ANKS6: variants seen among roughly 807,000 people sequenced by gnomAD.
ANKS6 encodes ankyrin repeat and SAM domain-containing protein 6.
Under a neutral mutation model 77.9 loss-of-function variants are expected in ANKS6, and 47 were observed. That is an observed-to-expected ratio of 0.60 (90% CI 0.48 to 0.77). The LOEUF (loss-of-function observed/expected upper bound fraction) is 0.77. ANKS6 is among the 30% of genes least tolerant of loss of function. ANKS6 has a pLI of 0.00. For missense variants in ANKS6, 1,150 were observed against 1,159.1 expected (o/e 0.99, Z 0.11); for synonymous variants, 488 against 501.7 (o/e 0.97, Z 0.37).
intron 8 of ANKS6, among the ~76,000 whole-genome samples, chr9:98,774,787 G>C (rs986187445): frequency 6.6e-6 from 1 of 152,244 alleles, no homozygotes. Context: ...AGATCTTCAA[G>C]GAAGTGTTCA....
chr9:98,732,266 G>A lies in ANKS6; in HGVS notation c.*4253C>T, dbSNP rs1369986155. ...CGTTATCCAAAGTTGTCCAGCCTCC[G>A]GCCTGGCCCATGTCTTCAGGCAGCT... On this transcript the variant is annotated 3_prime_UTR_variant, in exon 15 of 15. Transcript: ENST00000353234. 15 of 581,646 alleles carry A rather than the reference G, an allele frequency of 2.6e-5. No individual in the cohort carries two copies. The highest frequency in any genetic ancestry group is 1.2e-4 in the Admixed American group (4 of 32,302). 36.0% of individuals were successfully genotyped at this position (581,646 alleles called of 1,614,324 possible).
chr9:98,769,722 C>T (rs1159200114), intron 10 of ANKS6, among the ~76,000 whole-genome samples: 4 of 152,170 alleles, frequency 2.6e-5, no homozygotes, highest in African/African-American at 4.8e-5. Context: ...TATTTGACCC[C>T]GGACGAGTTA....
At position 98,761,883 on chromosome 9, in the gene ANKS6, A is replaced by C. The variant is rs369313792; in HGVS notation, c.2143-5280T>G. Among the ~76,000 whole-genome samples the C allele has an allele frequency of 1.1e-4, 16 of 152,270 alleles. No homozygotes were observed. In the East Asian group the frequency reaches 3.1e-3, roughly 29 times the overall value. On this transcript the variant is annotated intron_variant, in intron 11 of 14. Transcript: ENST00000353234. ...TTATTCTTTTTCATATGACTATTAT[A>C]ATTTTTTGTACCTCAATATAAAATT...
At chr9:98,784,298 G>A (rs1311198661) in intron 3 of ANKS6, 141 bp from the exon 4 acceptor site, 1 of 682,432 alleles carries the variant, frequency 1.5e-6, no homozygotes, top group South Asian at 2.5e-5. Context: ...GATACTAAGA[G>A]GGCGTCAGAG....
chr9:98,795,392 T>A (rs1835118641), intron 1 of ANKS6, among the ~76,000 whole-genome samples: 2 of 152,084 alleles, frequency 1.3e-5, no homozygotes, highest in African/African-American at 4.8e-5. Flanking sequence ...GCACCTTCCA[T>A]GACTCCCTAG....
At chr9:98,758,555 G>C (rs1271564154) in intron 11 of ANKS6, among the ~76,000 whole-genome samples, 1 of 152,144 alleles carries the variant, frequency 6.6e-6, no homozygotes, top group East Asian at 1.9e-4. Flanking sequence ...AAAGTGGACA[G>C]AGCAAAGACA....
chr9:98,749,981 C>T lies in ANKS6; in HGVS notation c.2394+1048G>A, dbSNP rs558020679. ...GGGCCTGTGGAGGAGTTTTACTTGG[C>T]TAAAGCAGTAAATTTTTTAACAGCT... On this transcript the variant is annotated intron_variant, in intron 13 of 14. Transcript: ENST00000353234. Among the ~76,000 whole-genome samples, 3 of 152,266 alleles carry T rather than the reference C, an allele frequency of 2.0e-5. No individual in the cohort carries two copies. In the East Asian group the frequency reaches 5.8e-4, roughly 29 times the overall value.
Position 98,774,008 on chromosome 9 carries a change from G to A in ANKS6, c.1690C>T (p.Pro564Ser), listed in dbSNP as rs190075616. Residue 564 changes from proline to serine, a missense_variant, in exon 9 of 15, where the codon CCT (proline) becomes TCT (serine). By Grantham distance (74) the Pro-to-Ser change is moderately conservative. Coordinates refer to ENST00000353234, the MANE Select transcript of ANKS6 (RefSeq NM_173551.5). ...LKAVIPPFLP[P>S]SSFELWSSDR... is the part of the protein sequence containing the mutation. ...GAGCTCCACAGCTCAAAACTGGAAG[G>A]GGGTAGGAATGGGGGGATGACTGCT... 2.5e-6 allele frequency: 4 copies of A among 1,583,180 alleles called. No individual in the cohort carries two copies. In the African/African-American group the frequency reaches 4.1e-5, roughly 16 times the overall value.
intron 11 of ANKS6, among the ~76,000 whole-genome samples, chr9:98,762,850 T>G (rs927921787): frequency 6.6e-6 from 1 of 151,962 alleles, no homozygotes; most frequent in African/African-American, 2.4e-5. Context: ...TCTTTTCATG[T>G]TAGTCATAAA....
At chr9:98,779,963 C>T (rs180940936) in intron 6 of ANKS6, among the ~76,000 whole-genome samples, 22 of 152,124 alleles carry the variant, frequency 1.4e-4, no homozygotes, top group Admixed American at 3.9e-4. Flanking sequence ...TGCCCGGCCG[C>T]GTGGACCCAC....
At chr9:98,742,663 G>C (rs2131927902) in intron 14 of ANKS6, among the ~76,000 whole-genome samples, 1 of 152,222 alleles carries the variant, frequency 6.6e-6, no homozygotes, top group South Asian at 2.1e-4. Flanking sequence ...GCTGCCTGTT[G>C]GGGGGACACA....
At chr9:98,781,797 C>T (rs765855242) in intron 5 of ANKS6, among the ~76,000 whole-genome samples, 1 of 152,216 alleles carries the variant, frequency 6.6e-6, no homozygotes, top group Non-Finnish European at 1.5e-5. Context: ...AGAATCCCAG[C>T]ACAGGGTTCA....
chr9:98,750,279 C>T (rs337563), intron 13 of ANKS6, among the ~76,000 whole-genome samples: 119,783 of 151,822 alleles, frequency 0.79, 47,722 homozygotes, highest in African/African-American at 0.9. Context: ...GCACACCCTA[C>T]GTGCCTTTTG....
intron 10 of ANKS6, among the ~76,000 whole-genome samples, chr9:98,769,151 G>GAAAGAAA (rs1564201319): frequency 6.6e-6 from 1 of 150,788 alleles, no homozygotes; most frequent in Admixed American, 6.6e-5. Context: ...AAGAAAGAAA[G>GAAAGAAA]AAAGAAAAGA....
chr9:98,773,825 G>C, intron 9 of ANKS6, 52 bp downstream of exon 9: 1 of 1,409,718 alleles, frequency 7.1e-7, no homozygotes, highest in South Asian at 1.6e-5. Flanking sequence ...AACACACCAT[G>C]ATCTCAGTGA....
At chr9:98,776,602 T>C (rs1252424671) in intron 8 of ANKS6, among the ~76,000 whole-genome samples, 3 of 152,116 alleles carry the variant, frequency 2.0e-5, no homozygotes, top group African/African-American at 7.2e-5. Context: ...GGTTTCACCA[T>C]GTTGGCCAGG....
chr9:98,776,858 C>T lies in ANKS6; in HGVS notation c.1617+547G>A, dbSNP rs563976758. The stretch of plus-strand genomic sequence containing the variant: ...AGAAACAGAAACTACACATGGGGGA[C>T]CAACAGGCAGAAAGGACTCAAGTCC... On this transcript the variant is annotated intron_variant, in intron 8 of 14. Transcript: ENST00000353234. 2.0e-5 allele frequency among the ~76,000 whole-genome samples: 3 copies of T among 152,276 alleles called. No individual in the cohort carries two copies. The South Asian group carries it at 6.2e-4, about 32-fold the overall frequency.
Position 98,734,380 on chromosome 9 carries a change from G to A in ANKS6, c.*2139C>T. ...TATCATTGTTCAATCAAACTTACCT[G>A]AGTGGAAGCTATACCAGTATATTGT... On this transcript the variant is annotated 3_prime_UTR_variant, in exon 15 of 15. Coordinates refer to ENST00000353234, the MANE Select transcript of ANKS6 (RefSeq NM_173551.5). 1 of 985,410 alleles carries A rather than the reference G, an allele frequency of 1.0e-6. No homozygotes were observed. Among genetic ancestry groups the A allele is most frequent in the Non-Finnish European group, 1.2e-6 (1 of 829,962 alleles). 61.0% of individuals were successfully genotyped at this position (985,410 alleles called of 1,614,324 possible).
chr9:98,735,816 T>C lies in ANKS6; in HGVS notation c.*703A>G, dbSNP rs2131914655. ...ATGCGTTTGACATACACATCTCCAATGTAAGCTGTATGCAGCAGGTGCAGT... is the reference window on the plus strand; with the variant it reads ...ATGCGTTTGACATACACATCTCCAACGTAAGCTGTATGCAGCAGGTGCAGT... On this transcript the variant is annotated 3_prime_UTR_variant, in exon 15 of 15. Coordinates refer to ENST00000353234, the MANE Select transcript of ANKS6 (RefSeq NM_173551.5). The C allele has an allele frequency of 1.9e-5, 23 of 1,231,718 alleles. No individual in the cohort carries two copies. The highest frequency in any genetic ancestry group is 2.2e-5 in the Non-Finnish European group (22 of 987,994). The allele number at this position is 1,231,718 out of a possible 1,614,324, so 76.3% of individuals were successfully genotyped here.
Sources: allele counts gnomAD v4.1 joint callset (sites outside exome capture counted in the v4.1 genomes callset), GRCh38; gene constraint gnomAD v4.1.1; transcripts MANE v1.5; gene names NCBI Gene and HGNC (gene_info 2026-07-23, HGNC 2026-07-21).